SELENOI: variants seen among roughly 807,000 people sequenced by gnomAD.
The protein encoded by SELENOI is ethanolaminephosphotransferase 1.
In SELENOI, 24 loss-of-function variants were observed where a neutral mutation model predicts 50.7. The ratio of observed to expected loss-of-function variants is 0.47; its 90% CI spans 0.34 to 0.67. The LOEUF is 0.67. SELENOI is among the 30% of genes least tolerant of loss of function. SELENOI has a pLI of 0.01. For synonymous variants in SELENOI, 155 were observed against 170.2 expected (o/e 0.91, Z 0.70); for missense variants, 352 against 461.4 (o/e 0.76, Z 2.17).
intron 1 of SELENOI, among the ~76,000 whole-genome samples, chr2:26,354,441 C>T (rs376845294): frequency 6.6e-6 from 1 of 152,230 alleles, no homozygotes; most frequent in East Asian, 1.9e-4. Flanking sequence ...GGCTGGAGTG[C>T]AGTGGTGCGA....
intron 1 of SELENOI, among the ~76,000 whole-genome samples, chr2:26,358,941 A>G (rs1336142660): frequency 6.6e-6 from 1 of 152,164 alleles, no homozygotes; most frequent in East Asian, 1.9e-4. Flanking sequence ...CTATTCATAT[A>G]CCACTTGAAA....
At chr2:26,380,182 A>G (rs1047565885) in intron 6 of SELENOI, among the ~76,000 whole-genome samples, 2 of 152,250 alleles carry the variant, frequency 1.3e-5, no homozygotes, top group Non-Finnish European at 1.5e-5. Context: ...AGTCAAATTT[A>G]CAGAATGAGG....
intron 6 of SELENOI, among the ~76,000 whole-genome samples, chr2:26,381,356 A>G (rs1479870720): frequency 1.3e-5 from 2 of 151,308 alleles, no homozygotes; most frequent in Admixed American, 1.3e-4. Flanking sequence ...TCTACTTGAA[A>G]CATAGAGCTT....
chr2:26,358,174 G>A (rs1321697937), intron 1 of SELENOI, among the ~76,000 whole-genome samples: 1 of 152,120 alleles, frequency 6.6e-6, no homozygotes, highest in Non-Finnish European at 1.5e-5. Context: ...AGCCCAAGAC[G>A]GGAGGATCTC....
chr2:26,376,301 A>G (rs1455164570), intron 6 of SELENOI, among the ~76,000 whole-genome samples: 1 of 152,120 alleles, frequency 6.6e-6, no homozygotes, highest in Non-Finnish European at 1.5e-5. Flanking sequence ...TCAAATGTTC[A>G]TTTTTGATAC....
chr2:26,372,420 C>T (rs1677477515), intron 4 of SELENOI, among the ~76,000 whole-genome samples: 1 of 152,066 alleles, frequency 6.6e-6, no homozygotes, highest in Non-Finnish European at 1.5e-5. Flanking sequence ...CTGTTCCTTT[C>T]TCAATTGTAA....
intron 1 of SELENOI, among the ~76,000 whole-genome samples, chr2:26,360,812 G>T (rs989062581): frequency 1.3e-5 from 2 of 151,836 alleles, no homozygotes; most frequent in Non-Finnish European, 2.9e-5. Context: ...ATTGGTTCCT[G>T]GTCCTCAGGT....
In SELENOI at chr2:26,373,351, T is replaced by G. The variant is rs1243207168; in HGVS notation, c.311-16T>G. 1 of 1,599,062 alleles carries G rather than the reference T, an allele frequency of 6.3e-7. No homozygotes were observed. The highest frequency in any genetic ancestry group is 2.2e-5 in the East Asian group (1 of 44,644). On this transcript the variant is annotated splice_polypyrimidine_tract_variant and intron_variant, in intron 4 of 9. Transcript: ENST00000260585. ...TGCATACGTTGAACTTTTCCTGTGG[T>G]TTGTTTTTGTTGCAGATGGTGTGGA...
chr2:26,353,260 G>A (rs1028067717), intron 1 of SELENOI, among the ~76,000 whole-genome samples: 2 of 152,100 alleles, frequency 1.3e-5, no homozygotes, highest in African/African-American at 4.8e-5. Flanking sequence ...ACTTCTCTTG[G>A]ATGGGACCAC....
intron 1 of SELENOI, among the ~76,000 whole-genome samples, chr2:26,349,267 CCCAGAGTGCTGAGATTACAGGCATGAG>C (rs1484844421): frequency 4.7e-4 from 70 of 149,230 alleles, no homozygotes; most frequent in African/African-American, 1.6e-3. Flanking sequence ...GCCCTGGCCT[CCCAGAGTGCTGAGATTACAGGCATGAG>C]CCACCACACT....
chr2:26,388,955 A>C (rs1387661471), intron 9 of SELENOI, 50 bp from the exon 10 acceptor site: 4 of 1,393,516 alleles, frequency 2.9e-6, no homozygotes, highest in Non-Finnish European at 2.0e-6. Flanking sequence ...TGCTTTTAAA[A>C]AACAATAAGG....
intron 6 of SELENOI, among the ~76,000 whole-genome samples, chr2:26,376,249 AG>A (rs1677565347): frequency 6.6e-6 from 1 of 152,136 alleles, no homozygotes; most frequent in Non-Finnish European, 1.5e-5. Flanking sequence ...TTTTTTCTGT[AG>A]CTCTAGACTG....
intron 1 of SELENOI, among the ~76,000 whole-genome samples, chr2:26,351,447 G>C (rs903132617): frequency 6.6e-6 from 1 of 152,168 alleles, no homozygotes; most frequent in African/African-American, 2.4e-5. Context: ...ACTTTCTACC[G>C]AATGCGTGTT....
At chr2:26,384,355 C>T (rs1677794723) in intron 7 of SELENOI, among the ~76,000 whole-genome samples, 2 of 152,150 alleles carry the variant, frequency 1.3e-5, no homozygotes, top group East Asian at 1.9e-4. Flanking sequence ...TTTATAACAA[C>T]GAGGCTCTCA....
chr2:26,355,180 A>G, intron 1 of SELENOI, among the ~76,000 whole-genome samples: 1 of 152,246 alleles, frequency 6.6e-6, no homozygotes, highest in African/African-American at 2.4e-5. Context: ...CCCTGCACAA[A>G]TGAACATTGG....
intron 4 of SELENOI, among the ~76,000 whole-genome samples, chr2:26,370,841 C>T (rs1239924722): frequency 2.2e-5 from 3 of 137,402 alleles, no homozygotes; most frequent in African/African-American, 5.5e-5. Flanking sequence ...CTGACACCCC[C>T]ACCTCCCTCC....
chr2:26,370,782 G>A (rs1464717656), intron 4 of SELENOI, among the ~76,000 whole-genome samples: 1 of 146,350 alleles, frequency 6.8e-6, no homozygotes, highest in Non-Finnish European at 1.5e-5. Context: ...GGCTGGCCGG[G>A]CAGAGGGGCT....
chr2:26,382,506 A>G (rs1159433284), intron 6 of SELENOI, among the ~76,000 whole-genome samples: 2 of 152,244 alleles, frequency 1.3e-5, no homozygotes, highest in African/African-American at 4.8e-5. Context: ...AAGTTGGAAC[A>G]CAGTGAATAA....
At chr2:26,365,665 G>A (rs557714266) in intron 3 of SELENOI, among the ~76,000 whole-genome samples, 1 of 152,308 alleles carries the variant, frequency 6.6e-6, no homozygotes, top group South Asian at 2.1e-4. Context: ...AAATGATGTA[G>A]TCAGGAGTGT....
Sources: allele counts gnomAD v4.1 joint callset (sites outside exome capture counted in the v4.1 genomes callset), GRCh38; gene constraint gnomAD v4.1.1; transcripts MANE v1.5; gene names NCBI Gene and HGNC (gene_info 2026-07-23, HGNC 2026-07-21).